The following NRG1 variants were observed in gnomAD, a reference collection of about 807,000 sequenced individuals.
NRG1 encodes neuregulin 1, also known as pro-neuregulin-1, membrane-bound isoform.
Under a neutral mutation model 63.8 loss-of-function variants are expected in NRG1, and 18 were observed. The ratio of observed to expected loss-of-function variants is 0.28; its 90% CI spans 0.19 to 0.42. NRG1 has a LOEUF of 0.42. Among genes scored for constraint, NRG1 ranks in the 10% least tolerant of loss-of-function variants. The pLI is 1.00. For missense variants in NRG1, 762 were observed against 814.7 expected (o/e 0.94, Z 0.79); for synonymous variants, 302 against 301.3 (o/e 1.00, Z -0.02).
chr8:32,050,158 T>G (rs1476860374), intron 1 of NRG1, among the ~76,000 whole-genome samples: 1 of 152,164 alleles, frequency 6.6e-6, no homozygotes, highest in Non-Finnish European at 1.5e-5. Flanking sequence ...AAGTGCTTCA[T>G]AATGGCAGGA....
chr8:32,672,608 A>C (rs910313334), intron 5 of NRG1, among the ~76,000 whole-genome samples: 6 of 152,228 alleles, frequency 3.9e-5, no homozygotes, highest in African/African-American at 1.4e-4. Flanking sequence ...TATTGTAGCC[A>C]AAAAATTAAT....
At chr8:32,238,364 C>T (rs1847780923) in intron 1 of NRG1, among the ~76,000 whole-genome samples, 1 of 149,920 alleles carries the variant, frequency 6.7e-6, no homozygotes, top group East Asian at 2.0e-4. Flanking sequence ...GAGGCTGGGG[C>T]AGGAGAATCG....
At chr8:32,302,836 T>C (rs1855732538) in intron 1 of NRG1, among the ~76,000 whole-genome samples, 1 of 147,992 alleles carries the variant, frequency 6.8e-6, no homozygotes, top group Non-Finnish European at 1.5e-5. Context: ...TAAACAGAAG[T>C]AACTGTTTAA....
At chr8:32,366,677 G>GTATATATATATATATA (rs71208175) in intron 1 of NRG1, among the ~76,000 whole-genome samples, 124 of 87,366 alleles carry the variant, frequency 1.4e-3, no homozygotes, top group Non-Finnish European at 2.1e-3. Context: ...GTGTGTGTGT[G>GTATATATATATATATA]TATATATATA....
chr8:32,433,395 T>A (rs532657119), intron 1 of NRG1, among the ~76,000 whole-genome samples: 7 of 152,254 alleles, frequency 4.6e-5, no homozygotes, highest in Admixed American at 4.6e-4. Flanking sequence ...CAGTAGCAGA[T>A]CTGTGGAAAC....
At chr8:32,578,284 G>A (rs796896507) in intron 1 of NRG1, among the ~76,000 whole-genome samples, 15 of 152,260 alleles carry the variant, frequency 9.9e-5, no homozygotes, top group African/African-American at 2.2e-4. Flanking sequence ...ATGAGCCACC[G>A]TGCCCGGCCA....
At chr8:32,282,218 C>T (rs1852945577) in intron 1 of NRG1, among the ~76,000 whole-genome samples, 2 of 152,162 alleles carry the variant, frequency 1.3e-5, no homozygotes, top group African/African-American at 4.8e-5. Flanking sequence ...AAGTATCACC[C>T]ACAATGCACA....
chr8:32,114,767 C>G (rs765641564), intron 1 of NRG1, among the ~76,000 whole-genome samples: 22 of 152,166 alleles, frequency 1.4e-4, no homozygotes, highest in Non-Finnish European at 2.8e-4. Context: ...AGAACTCTCC[C>G]TGGAGCTGAA....
At chr8:32,171,466 G>A (rs1840028676) in intron 1 of NRG1, 1 of 152,408 alleles carries the variant, frequency 6.6e-6, no homozygotes, top group African/African-American at 2.4e-5. Context: ...GAGGTACTGG[G>A]CTTATCTCAC....
At chr8:31,992,816 G>A (rs1448985374) in intron 1 of NRG1, among the ~76,000 whole-genome samples, 1 of 151,948 alleles carries the variant, frequency 6.6e-6, no homozygotes, top group African/African-American at 2.4e-5. Context: ...AATGTACAGT[G>A]TTGTCAAGTA....
chr8:32,432,416 C>T (rs2129486838), intron 1 of NRG1, among the ~76,000 whole-genome samples: 1 of 152,202 alleles, frequency 6.6e-6, no homozygotes, highest in Non-Finnish European at 1.5e-5. Flanking sequence ...AAAAATTTGC[C>T]CAAGACCACA....
At chr8:32,768,141 C>G (rs1375471742), downstream of NRG1, among the ~76,000 whole-genome samples, 1 of 152,180 alleles carries the variant, frequency 6.6e-6, no homozygotes, top group Non-Finnish European at 1.5e-5. Context: ...TCATCTCCTC[C>G]CTACCAATGC....
intron 1 of NRG1, among the ~76,000 whole-genome samples, chr8:32,555,829 T>C (rs1158964187): frequency 6.6e-6 from 1 of 152,234 alleles, no homozygotes; most frequent in African/African-American, 2.4e-5. Flanking sequence ...CCTGCTTATG[T>C]TAATTCCACC....
intron 9 of NRG1, among the ~76,000 whole-genome samples, chr8:32,758,664 A>ACATAATAT (rs1326110052): frequency 6.6e-6 from 1 of 151,864 alleles, no homozygotes; most frequent in Non-Finnish European, 1.5e-5. Flanking sequence ...ATTAAATAGA[A>ACATAATAT]ATGTCCTCCA....
At chr8:32,501,649 A>G (rs1007429470) in intron 1 of NRG1, among the ~76,000 whole-genome samples, 1 of 152,250 alleles carries the variant, frequency 6.6e-6, no homozygotes, top group Admixed American at 6.5e-5. Context: ...CAAAGTGACA[A>G]TAAAAGATTT....
chr8:32,107,791 C>T (rs1244388213), intron 1 of NRG1, among the ~76,000 whole-genome samples: 2 of 152,086 alleles, frequency 1.3e-5, no homozygotes, highest in Non-Finnish European at 1.5e-5. Flanking sequence ...GGTCTTAACC[C>T]TACTGTGTTA....
chr8:32,162,128 C>T (rs12679665), intron 1 of NRG1, among the ~76,000 whole-genome samples: 8,523 of 152,246 alleles, frequency 0.056, 401 homozygotes, highest in East Asian at 0.26. Flanking sequence ...TTTCTCTTTA[C>T]GTAGTGAAGC....
At chr8:32,236,016 G>A (rs1847510189) in intron 1 of NRG1, among the ~76,000 whole-genome samples, 1 of 152,160 alleles carries the variant, frequency 6.6e-6, no homozygotes, top group South Asian at 2.1e-4. Context: ...TTCTCTGAGT[G>A]AGGCTGAGAG....
intron 1 of NRG1, among the ~76,000 whole-genome samples, chr8:31,922,462 T>C (rs1833996222): frequency 1.3e-5 from 2 of 152,340 alleles, no homozygotes; most frequent in South Asian, 4.1e-4. Flanking sequence ...AAATGACTTT[T>C]ATCTACCTTT....
Sources: gnomAD v4.1 joint callset for allele counts (sites outside exome capture counted in the v4.1 genomes callset) on GRCh38, gnomAD v4.1.1 for gene constraint, MANE v1.5 for transcripts, NCBI Gene and HGNC (gene_info 2026-07-23, HGNC 2026-07-21) for gene names.